Variants in CCDC125 observed in about 807,000 individuals in gnomAD.
The protein encoded by CCDC125 is coiled-coil domain containing 125, also known as coiled-coil domain-containing protein 125.
A neutral mutation model predicts 57.4 loss-of-function variants in CCDC125; 43 were observed. The observed-to-expected ratio is 0.75, with a 90% CI of 0.59 to 0.97. The LOEUF (loss-of-function observed/expected upper bound fraction) is 0.97. Ranked by LOEUF, CCDC125 falls within the 50% of genes least tolerant of loss-of-function variation. The pLI is 0.00. For missense variants in CCDC125, 563 were observed against 595.7 expected, an observed-to-expected ratio of 0.95 and a Z score of 0.57; for synonymous variants, 187 against 195.2, an observed-to-expected ratio of 0.96 and a Z score of 0.35.
intron 6 of CCDC125, among the ~76,000 whole-genome samples, chr5:69,304,448 C>T (rs1216238739): frequency 2.2e-5 from 3 of 136,250 alleles, no homozygotes; most frequent in South Asian, 2.4e-4. Context: ...CTTTTTGAGA[C>T]GGAGTCTTGC....
At chr5:69,327,187 C>T (rs1022210906) in intron 1 of CCDC125, among the ~76,000 whole-genome samples, 4 of 151,412 alleles carry the variant, frequency 2.6e-5, no homozygotes, top group Non-Finnish European at 5.9e-5. Context: ...CTCCGCCTCC[C>T]GGGTTCATGC....
intron 5 of CCDC125, chr5:69,307,681 C>CAAA (rs34077586): frequency 9.0e-4 from 266 of 294,280 alleles, no homozygotes; most frequent in Middle Eastern, 2.2e-3. Context: ...GACTCCATCT[C>CAAA]AAAAAAAAAA....
intron 1 of CCDC125, among the ~76,000 whole-genome samples, chr5:69,326,752 T>G (rs370590335): frequency 1.5e-3 from 225 of 152,250 alleles, no homozygotes; most frequent in African/African-American, 5.2e-3. Flanking sequence ...GCCTACTGTT[T>G]CTTAAACTTA....
chr5:69,285,133 A>AAAAC (rs1465718199), intron 11 of CCDC125, among the ~76,000 whole-genome samples: 2 of 151,796 alleles, frequency 1.3e-5, no homozygotes, highest in African/African-American at 2.4e-5. Flanking sequence ...CAAACAAAAC[A>AAAAC]AAAAAATACA....
chr5:69,312,607 G>A (rs1486711672), intron 3 of CCDC125, among the ~76,000 whole-genome samples: 2 of 152,138 alleles, frequency 1.3e-5, no homozygotes, highest in Admixed American at 6.6e-5. Flanking sequence ...GGGGAAGGCC[G>A]GTGGAAGGAA....
At chr5:69,296,865 G>C (rs1755412572) in intron 8 of CCDC125, among the ~76,000 whole-genome samples, 1 of 151,966 alleles carries the variant, frequency 6.6e-6, no homozygotes, top group Non-Finnish European at 1.5e-5. Flanking sequence ...TCGGGAGGCT[G>C]AGGCAGGAGA....
At position 69,313,600 on chromosome 5, in the gene CCDC125, T is replaced by A. The variant is rs1758510933; in HGVS notation, c.366+385A>T. 9.6e-6 allele frequency: 7 copies of A among 731,226 alleles called. No homozygotes were observed. The East Asian group carries it at 1.8e-4, about 18-fold the overall frequency. The allele number at this position is 731,226 out of a possible 1,614,324, so 45.3% of individuals were successfully genotyped here. ...CAGGTCCTCCTTCTTGCTCTCTTGG[T>A]CTCATAGGTTGCGTCATAGAGGGCG... On this transcript the variant is annotated intron_variant, in intron 3 of 11. Transcript: ENST00000396496.
At chr5:69,292,138 C>CA in intron 10 of CCDC125, 50 bp downstream of exon 10, 1 of 1,487,684 alleles carries the variant, frequency 6.7e-7, no homozygotes, top group Non-Finnish European at 9.1e-7. Flanking sequence ...GGATTATAAA[C>CA]AAAACAACTA....
chr5:69,325,895 T>C (rs1048331336), intron 1 of CCDC125, among the ~76,000 whole-genome samples: 3 of 148,736 alleles, frequency 2.0e-5, no homozygotes, highest in Admixed American at 2.0e-4. Flanking sequence ...TAGGCTGAAG[T>C]GCAGTGATGG....
chr5:69,294,382 A>G (rs1754987228), intron 9 of CCDC125, among the ~76,000 whole-genome samples: 1 of 151,044 alleles, frequency 6.6e-6, no homozygotes, highest in Admixed American at 6.6e-5. Context: ...ATCTCGGCTC[A>G]CTGCAACCTC....
chr5:69,305,542 A>G (rs1269298799), intron 6 of CCDC125, among the ~76,000 whole-genome samples: 2 of 152,218 alleles, frequency 1.3e-5, no homozygotes, highest in Non-Finnish European at 2.9e-5. Flanking sequence ...CACTGAGGCT[A>G]TATGATCAAA....
chr5:69,311,873 G>C (rs1355512990), intron 3 of CCDC125, among the ~76,000 whole-genome samples: 1 of 151,928 alleles, frequency 6.6e-6, no homozygotes. Flanking sequence ...AGCTGGGATT[G>C]CAGGCATGTG....
downstream of CCDC125, among the ~76,000 whole-genome samples, chr5:69,278,532 A>AT (rs1312386301): frequency 6.6e-6 from 1 of 151,430 alleles, no homozygotes; most frequent in Non-Finnish European, 1.5e-5. Context: ...CTTTATTTCT[A>AT]TTTTTTCCTT....
chr5:69,290,439 A>T (rs988499123), intron 10 of CCDC125, among the ~76,000 whole-genome samples: 1 of 150,294 alleles, frequency 6.7e-6, no homozygotes, highest in Admixed American at 6.7e-5. Flanking sequence ...AGTAGCTGGG[A>T]TTACAGGTGA....
intron 11 of CCDC125, among the ~76,000 whole-genome samples, chr5:69,284,374 A>G (rs1034857246): frequency 6.6e-6 from 1 of 152,214 alleles, no homozygotes; most frequent in Non-Finnish European, 1.5e-5. Context: ...TAGTTTAGTC[A>G]TTCCATGTGG....
At chr5:69,323,059 C>A (rs528362907) in intron 1 of CCDC125, among the ~76,000 whole-genome samples, 1 of 152,042 alleles carries the variant, frequency 6.6e-6, no homozygotes, top group African/African-American at 2.4e-5. Context: ...GTAATCCCAG[C>A]ACTTTCAGAG....
downstream of CCDC125, among the ~76,000 whole-genome samples, chr5:69,279,250 T>G (rs1168836667): frequency 1.4e-5 from 2 of 146,170 alleles, no homozygotes; most frequent in South Asian, 4.3e-4. Context: ...CAGGCTGGAG[T>G]GCAGTGGCAC....
chr5:69,294,599 A>G (rs1308913933), intron 9 of CCDC125, among the ~76,000 whole-genome samples, 194 bp downstream of exon 9: 1 of 152,238 alleles, frequency 6.6e-6, no homozygotes, highest in African/African-American at 2.4e-5. Context: ...TGCCCCAAGT[A>G]CTATTAATAT....
rs567413728 is a variant in CCDC125 at position 69,322,497 on chromosome 5, G to A, written c.-40-1917C>T. ...CCAAGGCTTTGGGAGGCTGAGGCTA[G>A]AGGATTGCTTGAGCCCAGGAGTTTG... On this transcript the variant is annotated intron_variant, in intron 1 of 11. Transcript: ENST00000396496. Among the ~76,000 whole-genome samples the A allele has an allele frequency of 1.5e-4, 23 of 151,954 alleles. No individual in the cohort carries two copies. The East Asian group carries it at 4.5e-3, about 30-fold the overall frequency.
Sources: gnomAD v4.1 joint callset for allele counts (sites outside exome capture counted in the v4.1 genomes callset) on GRCh38, gnomAD v4.1.1 for gene constraint, MANE v1.5 for transcripts, NCBI Gene and HGNC (gene_info 2026-07-23, HGNC 2026-07-21) for gene names.